The following RALGPS1 variants were observed in gnomAD, a reference collection of about 807,000 sequenced individuals.
RALGPS1 encodes the protein ras-specific guanine nucleotide-releasing factor RalGPS1.
In RALGPS1, 19 loss-of-function variants were observed where a neutral mutation model predicts 78.8. That is an observed-to-expected ratio of 0.24 (90% CI 0.17 to 0.35). The LOEUF is 0.35. Among genes scored for constraint, RALGPS1 ranks in the 10% least tolerant of loss-of-function variants. The pLI is 1.00. For synonymous variants in RALGPS1, 228 were observed against 256.3 expected (o/e 0.89, Z 1.06); for missense variants, 454 against 688.3 (o/e 0.66, Z 3.81).
At position 127,221,803 on chromosome 9, in the gene RALGPS1, C is replaced by T. The variant is rs1376813469; in HGVS notation, c.*3034C>T. ...CACCTCCCAAGCCCCAAGAGGTGTA[C>T]CTTTTCAGATGCCATTTTACAGGCG... On this transcript the variant is annotated 3_prime_UTR_variant, in exon 19 of 19. Coordinates refer to ENST00000259351, the MANE Select transcript of RALGPS1 (RefSeq NM_014636.3). The T allele has an allele frequency of 6.6e-6, 1 of 152,068 alleles. No individual in the cohort carries two copies. The highest frequency in any genetic ancestry group is 1.9e-4 in the East Asian group (1 of 5,196). 9.4% of individuals were successfully genotyped at this position (152,068 alleles called of 1,614,324 possible).
chr9:127,078,195 A>AC (rs2050847293), intron 8 of RALGPS1, among the ~76,000 whole-genome samples: 1 of 152,154 alleles, frequency 6.6e-6, no homozygotes, highest in South Asian at 2.1e-4. Flanking sequence ...AATGAAGGAA[A>AC]CTATTTCCAT....
At chr9:127,076,296 A>C (rs2050677886) in intron 8 of RALGPS1, among the ~76,000 whole-genome samples, 1 of 152,226 alleles carries the variant, frequency 6.6e-6, no homozygotes, top group African/African-American at 2.4e-5. Flanking sequence ...GGAAATAACT[A>C]AATTAGAAAT....
intron 8 of RALGPS1, among the ~76,000 whole-genome samples, chr9:127,131,931 G>C (rs1238872629): frequency 6.6e-6 from 1 of 152,128 alleles, no homozygotes; most frequent in African/African-American, 2.4e-5. Context: ...CCCACCCCCA[G>C]TTTCTGATTC....
chr9:127,001,085 CTACAAAACAA>C (rs2043256118), intron 4 of RALGPS1, among the ~76,000 whole-genome samples: 2 of 119,022 alleles, frequency 1.7e-5, no homozygotes, highest in South Asian at 3.2e-4. Context: ...GACTCTGTCT[CTACAAAACAA>C]AACAAAACAA....
At chr9:127,046,846 A>G (rs2047836433) in intron 5 of RALGPS1, among the ~76,000 whole-genome samples, 1 of 152,166 alleles carries the variant, frequency 6.6e-6, no homozygotes, top group South Asian at 2.1e-4. Context: ...CAGAAGGCAA[A>G]TAATACAAAT....
intron 2 of RALGPS1, among the ~76,000 whole-genome samples, chr9:126,964,025 C>G (rs1035224805): frequency 2.8e-4 from 43 of 152,112 alleles, no homozygotes; most frequent in African/African-American, 1.0e-3. Flanking sequence ...GTAGGTTCTC[C>G]TCAGGGGAGA....
chr9:127,163,355 G>A (rs910872908), intron 8 of RALGPS1, among the ~76,000 whole-genome samples: 1 of 152,100 alleles, frequency 6.6e-6, no homozygotes, highest in African/African-American at 2.4e-5. Context: ...TAAGAGAGGA[G>A]AAGAAAAACA....
chr9:127,191,113 C>G (rs1588465871), intron 11 of RALGPS1, among the ~76,000 whole-genome samples: 1 of 152,176 alleles, frequency 6.6e-6, no homozygotes, highest in Non-Finnish European at 1.5e-5. Context: ...TTGAAGTTCT[C>G]TGTGTATCTG....
chr9:127,106,275 G>A (rs2137022162), intron 8 of RALGPS1, among the ~76,000 whole-genome samples: 1 of 152,228 alleles, frequency 6.6e-6, no homozygotes, highest in South Asian at 2.1e-4. Flanking sequence ...TACCCTCTCG[G>A]TATTCTATCA....
At chr9:126,995,797 C>T (rs2042691536) in intron 4 of RALGPS1, among the ~76,000 whole-genome samples, 3 of 152,184 alleles carry the variant, frequency 2.0e-5, no homozygotes, top group African/African-American at 7.2e-5. Flanking sequence ...CACTCCTCAG[C>T]AAATGTAAAA....
chr9:127,049,266 GTC>G (rs2048082502), intron 5 of RALGPS1, among the ~76,000 whole-genome samples: 1 of 152,154 alleles, frequency 6.6e-6, no homozygotes, highest in Non-Finnish European at 1.5e-5. Context: ...CTTGGCATGA[GTC>G]TCTTCCGTTG....
chr9:127,000,534 CTTTTTTTTTTTTT>C (rs1163116649), intron 4 of RALGPS1, among the ~76,000 whole-genome samples: 55 of 33,342 alleles, frequency 1.6e-3, no homozygotes, highest in Admixed American at 5.5e-3. Flanking sequence ...CTTGTCTTGT[CTTTTTTTTTTTTT>C]TTTTTTTTTT....
chr9:127,199,946 TACAC>T (rs1386224659), intron 14 of RALGPS1, among the ~76,000 whole-genome samples: 1 of 152,056 alleles, frequency 6.6e-6, no homozygotes, highest in East Asian at 1.9e-4. Context: ...ACACATGCCC[TACAC>T]ACACATATAC....
chr9:127,105,177 C>T (rs776887362), intron 8 of RALGPS1, among the ~76,000 whole-genome samples: 10 of 152,224 alleles, frequency 6.6e-5, no homozygotes, highest in Non-Finnish European at 1.5e-4. Flanking sequence ...AAGAAATCTA[C>T]TGGTAATGAG....
intron 8 of RALGPS1, among the ~76,000 whole-genome samples, chr9:127,072,793 A>G (rs1179789195): frequency 6.6e-6 from 1 of 152,236 alleles, no homozygotes; most frequent in Non-Finnish European, 1.5e-5. Flanking sequence ...TATTTAATAT[A>G]TAGAAATTTG....
chr9:126,965,524 G>C (rs2132253195), intron 2 of RALGPS1, among the ~76,000 whole-genome samples: 1 of 152,336 alleles, frequency 6.6e-6, no homozygotes, highest in Non-Finnish European at 1.5e-5. Flanking sequence ...GGGTCGGATA[G>C]ATACAAAAGT....
chr9:126,961,465 A>G (rs550575650), intron 1 of RALGPS1, among the ~76,000 whole-genome samples: 2 of 152,282 alleles, frequency 1.3e-5, no homozygotes, highest in Admixed American at 1.3e-4. Flanking sequence ...TGCCAGGGGA[A>G]CACAAGAGAA....
At chr9:127,200,317 A>G (rs1474954805) in intron 14 of RALGPS1, among the ~76,000 whole-genome samples, 1 of 152,262 alleles carries the variant, frequency 6.6e-6, no homozygotes, top group Non-Finnish European at 1.5e-5. Flanking sequence ...TGTGCCAAGC[A>G]CTGTCCTGGT....
At chr9:127,154,806 G>A (rs916117615) in intron 8 of RALGPS1, among the ~76,000 whole-genome samples, 18 of 152,224 alleles carry the variant, frequency 1.2e-4, no homozygotes, top group Non-Finnish European at 1.0e-4. Context: ...GACTGAAGCG[G>A]CTGTCTGTGA....
Sources: gnomAD v4.1 joint callset for allele counts (sites outside exome capture counted in the v4.1 genomes callset) on GRCh38, gnomAD v4.1.1 for gene constraint, MANE v1.5 for transcripts, NCBI Gene and HGNC (gene_info 2026-07-23, HGNC 2026-07-21) for gene names.